Variants in RAPGEF6 observed in about 807,000 individuals in gnomAD.
RAPGEF6 encodes the protein PDZ domain containing guanine nucleotide exchange factor (GEF) 2.
RAPGEF6 carries 56 observed loss-of-function variants against 171.4 expected under a neutral mutation model. The observed-to-expected ratio is 0.33, with a 90% CI of 0.26 to 0.41. The LOEUF (loss-of-function observed/expected upper bound fraction) is 0.41. RAPGEF6 is among the 10% of genes least tolerant of loss of function. The pLI is 1.00. For missense variants in RAPGEF6, 1,674 were observed against 1,921.4 expected, an observed-to-expected ratio of 0.87 and a Z score of 2.41; for synonymous variants, 692 against 650.1, an observed-to-expected ratio of 1.06 and a Z score of -0.98.
chr5:131,480,311 G>T (rs1291854440), intron 15 of RAPGEF6, among the ~76,000 whole-genome samples: 1 of 152,106 alleles, frequency 6.6e-6, no homozygotes, highest in African/African-American at 2.4e-5. Context: ...GGTGTACATG[G>T]GGTGGAGGTC....
intron 6 of RAPGEF6, among the ~76,000 whole-genome samples, chr5:131,546,372 G>A (rs549397697): frequency 8.2e-4 from 125 of 152,250 alleles, no homozygotes; most frequent in South Asian, 6.4e-3. Context: ...TTGGGATGCC[G>A]AGGTGTGCAG....
At chr5:131,538,984 A>G (rs1196653782) in intron 6 of RAPGEF6, among the ~76,000 whole-genome samples, 1 of 152,174 alleles carries the variant, frequency 6.6e-6, no homozygotes, top group Non-Finnish European at 1.5e-5. Context: ...AAAAACAGAA[A>G]GTCTTCTTTT....
chr5:131,608,212 C>G (rs1474275044), intron 1 of RAPGEF6, among the ~76,000 whole-genome samples: 4 of 152,158 alleles, frequency 2.6e-5, no homozygotes, highest in Non-Finnish European at 5.9e-5. Context: ...TAAGAAAAAT[C>G]ATCTGGGCCA....
chr5:131,603,307 C>A lies in RAPGEF6; in HGVS notation c.161G>T (p.Arg54Leu). Residue 54 changes from arginine (R) to leucine (L), a missense_variant, in exon 3 of 28, where the codon CGC (arginine) becomes CTC (leucine). Coordinates refer to ENST00000509018, the MANE Select transcript of RAPGEF6 (RefSeq NM_016340.6). ...CTGATTGCCACTGTATCTCTCATAGCGTGCTCTTGCAGACATTAATCTATT... is the reference window on the plus strand; with the variant it reads ...CTGATTGCCACTGTATCTCTCATAGAGTGCTCTTGCAGACATTAATCTATT... ...HQLRLMSARA[R>L]YERYSGNQVL... The A allele has an allele frequency of 1.3e-6, 2 of 1,574,008 alleles. No individual in the cohort carries two copies. The highest frequency in any genetic ancestry group is 1.9e-5 in the Admixed American group (1 of 53,832).
chr5:131,507,423 T>C (rs559409673), intron 9 of RAPGEF6, among the ~76,000 whole-genome samples: 1 of 152,160 alleles, frequency 6.6e-6, no homozygotes, highest in African/African-American at 2.4e-5. Flanking sequence ...ACATTTCCAC[T>C]AGAAGACAAT....
chr5:131,449,983 G>A (rs542363241), intron 21 of RAPGEF6: 7 of 1,517,856 alleles, frequency 4.6e-6, no homozygotes, highest in South Asian at 1.2e-5. Context: ...GTTAAGAGTC[G>A]CACAACCTTC....
At chr5:131,578,628 T>C (rs1174419008) in intron 4 of RAPGEF6, among the ~76,000 whole-genome samples, 1 of 152,116 alleles carries the variant, frequency 6.6e-6, no homozygotes, top group Non-Finnish European at 1.5e-5. Context: ...TGCCACTCCT[T>C]TATGCATCTT....
At position 131,479,639 on chromosome 5, in the gene RAPGEF6, A is replaced by G. The variant is rs754219302; in HGVS notation, c.1955T>C (p.Ile652Thr). The change falls in exon 16 of 28, where the codon ATT becomes ACT. Residue 652 changes from isoleucine to threonine, a missense_variant. Ile to Thr is a moderately conservative substitution (Grantham distance 89). Coordinates refer to ENST00000509018, the MANE Select transcript of RAPGEF6 (RefSeq NM_016340.6). The stretch of plus-strand genomic sequence containing the variant: ...TCCTTTCTCCTGTGATGTCTGTTCA[A>G]TATCTCCTGGCACATGCTGGATAGA... ...RHSIQHVPGD[I>T]EQTSQEKGSK... 15 of 1,613,906 alleles carry G rather than the reference A, an allele frequency of 9.3e-6. No individual in the cohort carries two copies. The highest frequency in any genetic ancestry group is 1.6e-4 in the Middle Eastern group (1 of 6,082).
At chr5:131,490,348 T>A (rs1756199418) in intron 14 of RAPGEF6, among the ~76,000 whole-genome samples, 1 of 147,930 alleles carries the variant, frequency 6.8e-6, no homozygotes. Flanking sequence ...AGAAAAAGAG[T>A]GAAAAAATAT....
chr5:131,448,270 GAA>G (rs930625350), intron 21 of RAPGEF6, among the ~76,000 whole-genome samples: 1 of 152,082 alleles, frequency 6.6e-6, no homozygotes, highest in African/African-American at 2.4e-5. Context: ...TGAATATAAA[GAA>G]ATTTTAGGAA....
rs183479625 is a variant in RAPGEF6, at chr5:131,482,686, G to A, written c.1841-2933C>T. ...AGGTCAGGCACTTCACTTGATGTTT[G>A]TATATTACTACTGTTGTGGAACTTA... On this transcript the variant is annotated intron_variant, in intron 15 of 27. Coordinates refer to ENST00000509018, the MANE Select transcript of RAPGEF6 (RefSeq NM_016340.6). 1.6e-3 allele frequency among the ~76,000 whole-genome samples: 244 copies of A among 152,286 alleles called. 1 individual carries two copies. The highest frequency in any genetic ancestry group is 5.6e-3 in the African/African-American group (234 of 41,554).
At chr5:131,445,797 C>T (rs1752653662) in intron 22 of RAPGEF6, among the ~76,000 whole-genome samples, 1 of 152,004 alleles carries the variant, frequency 6.6e-6, no homozygotes, top group African/African-American at 2.4e-5. Flanking sequence ...TCAAGTGATC[C>T]TCCTGCCTAG....
At chr5:131,443,568 T>A (rs1752513143) in intron 22 of RAPGEF6, among the ~76,000 whole-genome samples, 1 of 152,152 alleles carries the variant, frequency 6.6e-6, no homozygotes, top group East Asian at 1.9e-4. Context: ...ATTTCCCTTC[T>A]CCTTCTGCAC....
intron 1 of RAPGEF6, among the ~76,000 whole-genome samples, chr5:131,628,016 C>T (rs952957887): frequency 6.6e-6 from 1 of 152,174 alleles, no homozygotes; most frequent in African/African-American, 2.4e-5. Context: ...CCTTCTCTAT[C>T]TCCCTCTCTT....
At chr5:131,588,335 G>T (rs892905108) in intron 4 of RAPGEF6, among the ~76,000 whole-genome samples, 1 of 152,114 alleles carries the variant, frequency 6.6e-6, no homozygotes, top group African/African-American at 2.4e-5. Context: ...ATTAGCAGAG[G>T]AAAAATGGGT....
intron 1 of RAPGEF6, among the ~76,000 whole-genome samples, chr5:131,622,247 G>A (rs550712188): frequency 6.6e-6 from 1 of 152,140 alleles, no homozygotes; most frequent in East Asian, 1.9e-4. Context: ...AAAAGCTGCA[G>A]TCATTTGGAA....
intron 11 of RAPGEF6, 110 bp from the exon 12 acceptor site, chr5:131,498,717 A>G (rs1756808956): frequency 9.6e-7 from 1 of 1,039,748 alleles, no homozygotes; most frequent in Non-Finnish European, 1.4e-6. Flanking sequence ...AAATCGTCAA[A>G]GTACAGTTTC....
At chr5:131,631,133 C>T (rs1338761409) in intron 1 of RAPGEF6, among the ~76,000 whole-genome samples, 2 of 152,202 alleles carry the variant, frequency 1.3e-5, no homozygotes, top group African/African-American at 2.4e-5. Flanking sequence ...ACACTCACTA[C>T]TTGGTAATTT....
chr5:131,445,645 T>C (rs7731001), intron 22 of RAPGEF6, among the ~76,000 whole-genome samples: 54,704 of 151,424 alleles, frequency 0.36, 11,584 homozygotes, highest in African/African-American at 0.6. Context: ...AGCACTGGCA[T>C]GGTCCTAGCT....
Sources: gnomAD v4.1 joint callset for allele counts (sites outside exome capture counted in the v4.1 genomes callset) on GRCh38, gnomAD v4.1.1 for gene constraint, MANE v1.5 for transcripts, NCBI Gene and HGNC (gene_info 2026-07-23, HGNC 2026-07-21) for gene names.